Variants in SYNE1 observed in about 807,000 individuals in gnomAD.
SYNE1 encodes the protein spectrin repeat containing nuclear envelope protein 1, also known as nesprin-1.
A neutral mutation model predicts 1,111.0 loss-of-function variants in SYNE1; 616 were observed. The ratio of observed to expected loss-of-function variants is 0.55; its 90% CI spans 0.52 to 0.59. The LOEUF is 0.59. Ranked by LOEUF, SYNE1 falls within the 20% of genes least tolerant of loss-of-function variation. SYNE1 has a pLI of 0.00. For synonymous variants in SYNE1, 3,855 were observed against 3,825.8 expected, an observed-to-expected ratio of 1.01 and a Z score of -0.28; for missense variants, 10,006 against 10,417.0, an observed-to-expected ratio of 0.96 and a Z score of 1.72.
Position 152,286,857 on chromosome 6 carries a change from T to C in SYNE1, c.18013-2685A>G, listed in dbSNP as rs568528436. 2.4e-4 allele frequency among the ~76,000 whole-genome samples: 36 copies of C among 152,352 alleles called. No individual in the cohort carries two copies. In the East Asian group the frequency reaches 6.4e-3, roughly 27 times the overall value. On this transcript the variant is annotated intron_variant, in intron 95 of 145. Transcript: ENST00000367255. ...CTAATAGAATCAATATTTCCCTTTA[T>C]TGTTAGGGCTTTTGGTATACTATAT...
At position 152,139,981 on chromosome 6, in the gene SYNE1, T is replaced by C; in HGVS notation, c.25427A>G (p.Gln8476Arg). 6.2e-7 allele frequency: 1 copy of C among 1,614,048 alleles called. No homozygotes were observed. Among genetic ancestry groups the C allele is most frequent in the Non-Finnish European group, 8.5e-7 (1 of 1,180,036 alleles). ...LQRLELSTDI[Q>R]TIELQIKKLK... ...CTTTTTGATCTGGAGCTCGATGGTC[T>C]GGATGTCAGTGCTGAGTTCCAGACG... The change falls in exon 140 of 146, where the codon CAG becomes CGG. Residue 8476 changes from glutamine (Q) to arginine (R), a missense_variant. By Grantham distance (43) the Gln-to-Arg change is conservative. Coordinates refer to ENST00000367255, the MANE Select transcript of SYNE1 (RefSeq NM_182961.4).
Position 152,180,160 on chromosome 6 carries a change from T to C in SYNE1, c.23436A>G (p.Glu7812=), listed in dbSNP as rs1294079187. 1 of 1,614,026 alleles carries C rather than the reference T, an allele frequency of 6.2e-7. No homozygotes were observed. The highest frequency in any genetic ancestry group is 1.3e-5 in the African/African-American group (1 of 74,938). The change falls in exon 129 of 146, where the codon GAA becomes GAG. Residue 7812 remains glutamate, a synonymous_variant. Transcript: ENST00000367255. ...KVSQNGDILI[E]EMIEKLKKDY... Reference sequence around the variant, plus strand: ...CCTTCTTGAGCTTCTCTATCATTTCTTCAATGAGAATGTCTCCATTCTGAG... The same window carrying C: ...CCTTCTTGAGCTTCTCTATCATTTCCTCAATGAGAATGTCTCCATTCTGAG...
At chr6:152,285,028 A>G (rs932607266) in intron 95 of SYNE1, among the ~76,000 whole-genome samples, 1 of 152,134 alleles carries the variant, frequency 6.6e-6, no homozygotes, top group African/African-American at 2.4e-5. Flanking sequence ...AATCCTGAGC[A>G]CTTCCAAAGG....
intron 73 of SYNE1, among the ~76,000 whole-genome samples, chr6:152,346,619 G>A (rs7356958): frequency 6.6e-6 from 1 of 151,504 alleles, no homozygotes; most frequent in Admixed American, 6.6e-5. Context: ...AACCATCCTG[G>A]CTAACACGGT....
At chr6:152,189,009 AT>A (rs1563336712) in intron 128 of SYNE1, among the ~76,000 whole-genome samples, 6 of 132,394 alleles carry the variant, frequency 4.5e-5, no homozygotes, top group African/African-American at 1.4e-4. Flanking sequence ...ATATATATAT[AT>A]ATATATATAA....
intron 3 of SYNE1, among the ~76,000 whole-genome samples, chr6:152,614,657 C>G (rs2099640968): frequency 6.6e-6 from 1 of 152,156 alleles, no homozygotes; most frequent in African/African-American, 2.4e-5. Context: ...GATTATAAAT[C>G]ATGCTACTAT....
chr6:152,523,328 C>T (rs991917072), intron 5 of SYNE1, among the ~76,000 whole-genome samples: 3 of 151,868 alleles, frequency 2.0e-5, no homozygotes, highest in African/African-American at 7.2e-5. Flanking sequence ...CTTCAATCTA[C>T]ATTTTTGAAT....
In SYNE1 at chr6:152,167,457, CAT is replaced by C. The variant is rs549267446; in HGVS notation, c.23628-3134_23628-3133del. Among the ~76,000 whole-genome samples the C allele has an allele frequency of 1.4e-4, 21 of 152,016 alleles. No individual in the cohort carries two copies. The East Asian group carries it at 4.1e-3, about 29-fold the overall frequency. On this transcript the variant is annotated intron_variant, in intron 130 of 145. Coordinates refer to ENST00000367255, the MANE Select transcript of SYNE1 (RefSeq NM_182961.4). Reference sequence around the variant, plus strand: ...TGAGGGATGATACAGTAAAGAAAAACATATTAAAAAAATTCCTGTCATATTTT... The same window carrying C: ...TGAGGGATGATACAGTAAAGAAAAACATTAAAAAAATTCCTGTCATATTTT...
chr6:152,509,236 TTTTTTC>T (rs935391159), intron 8 of SYNE1, among the ~76,000 whole-genome samples: 3 of 140,086 alleles, frequency 2.1e-5, no homozygotes, highest in Admixed American at 8.1e-5. Flanking sequence ...ACTCTTTTTC[TTTTTTC>T]TTTTTCTTTT....
At chr6:152,459,989 T>A (rs930367636) in intron 21 of SYNE1, among the ~76,000 whole-genome samples, 1 of 152,196 alleles carries the variant, frequency 6.6e-6, no homozygotes, top group African/African-American at 2.4e-5. Context: ...GACTCTGATA[T>A]AATTACCTTG....
chr6:152,192,102 G>A (rs181509971), intron 127 of SYNE1, among the ~76,000 whole-genome samples: 2 of 152,288 alleles, frequency 1.3e-5, no homozygotes, highest in East Asian at 3.9e-4. Flanking sequence ...ATTATGATCA[G>A]AGAAGATACT....
At chr6:152,293,367 GTCTC>G (rs755993291) in intron 95 of SYNE1, among the ~76,000 whole-genome samples, 1 of 151,836 alleles carries the variant, frequency 6.6e-6, no homozygotes, top group African/African-American at 2.4e-5. Flanking sequence ...AGGTCTGCAT[GTCTC>G]TCTCTCTCTC....
intron 25 of SYNE1, among the ~76,000 whole-genome samples, chr6:152,451,540 TG>T (rs1358476488): frequency 7.5e-6 from 1 of 134,126 alleles, no homozygotes; most frequent in Non-Finnish European, 1.5e-5. Flanking sequence ...TGGAGTACAG[TG>T]GTGCGATCTT....
At chr6:152,600,475 A>T (rs1228744797) in intron 3 of SYNE1, among the ~76,000 whole-genome samples, 1 of 152,202 alleles carries the variant, frequency 6.6e-6, no homozygotes, top group Non-Finnish European at 1.5e-5. Flanking sequence ...TTTGTCTTAC[A>T]TAGAAACTTA....
At position 152,329,826 on chromosome 6, in the gene SYNE1, T is replaced by G; in HGVS notation, c.14859A>C (p.Thr4953=). 1 of 1,614,194 alleles carries G rather than the reference T, an allele frequency of 6.2e-7. No homozygotes were observed. Among genetic ancestry groups the G allele is most frequent in the Non-Finnish European group, 8.5e-7 (1 of 1,180,034 alleles). ...ALSHKEKEKF[T]KAKELISADL... is the part of the protein sequence containing the mutation. The stretch of plus-strand genomic sequence containing the variant: ...CCGCAGAAATCAGCTCCTTGGCCTT[T>G]GTGAACTTCTCCTTTTCCTTGTGAC... The change falls in exon 78 of 146, where the codon ACA becomes ACC. Residue 4953 remains threonine (T), a synonymous_variant. Transcript: ENST00000367255.
At position 152,233,864 on chromosome 6, in the gene SYNE1, G is replaced by A. The variant is rs749370196; in HGVS notation, c.20629C>T (p.Leu6877=). Residue 6877 remains leucine, a synonymous_variant, in exon 112 of 146, where the codon CTG becomes TTG. Transcript: ENST00000367255. ...TCAATGCGCGACAGCTCAGAGCGCA[G>A]CGTGGCTGTGTCCACCTTTTTTAGT... ...LRLKKVDTAT[L]RSELSRIDSQ... 7 of 1,614,088 alleles carry A rather than the reference G, an allele frequency of 4.3e-6. No individual in the cohort carries two copies. Among genetic ancestry groups the A allele is most frequent in the African/African-American group, 1.3e-5 (1 of 74,942 alleles).
At chr6:152,212,798 T>G (rs2077775250) in intron 123 of SYNE1, among the ~76,000 whole-genome samples, 1 of 152,226 alleles carries the variant, frequency 6.6e-6, no homozygotes, top group Admixed American at 6.5e-5. Flanking sequence ...AAATTTGTTA[T>G]TTTTTCATTA....
At chr6:152,522,328 A>G (rs934313672) in intron 5 of SYNE1, among the ~76,000 whole-genome samples, 3 of 152,076 alleles carry the variant, frequency 2.0e-5, no homozygotes, top group African/African-American at 7.2e-5. Flanking sequence ...TCAATCCTGA[A>G]TTACTTCGCT....
At chr6:152,354,537 G>C in intron 67 of SYNE1, 122 bp downstream of exon 67, 1 of 1,080,430 alleles carries the variant, frequency 9.3e-7, no homozygotes, top group Non-Finnish European at 1.4e-6. Flanking sequence ...TAACTTTCTA[G>C]GTAATCAAAA....
Sources: gnomAD v4.1 joint callset for allele counts (sites outside exome capture counted in the v4.1 genomes callset) on GRCh38, gnomAD v4.1.1 for gene constraint, MANE v1.5 for transcripts, NCBI Gene and HGNC (gene_info 2026-07-23, HGNC 2026-07-21) for gene names.